LYRM1: variants seen among roughly 807,000 people sequenced by gnomAD.
The protein encoded by LYRM1 is LYR motif containing 1, also known as LYR motif-containing protein 1.
Under a neutral mutation model 14.9 loss-of-function variants are expected in LYRM1, and 14 were observed. That is an observed-to-expected ratio of 0.94 (90% CI 0.62 to 1.47). The LOEUF (loss-of-function observed/expected upper bound fraction) is 1.47. Among genes scored for constraint, LYRM1 ranks in the 40% most tolerant of loss-of-function variants. LYRM1 has a pLI of 0.00. For missense variants in LYRM1, 153 were observed against 149.9 expected (o/e 1.02, Z -0.11); for synonymous variants, 43 against 56.2 (o/e 0.77, Z 1.05).
At position 20,915,538 on chromosome 16, in the gene LYRM1, A is replaced by G. The variant is rs201893835; in HGVS notation, c.1-18A>G. ...TTTTTATGCAAATTTTCCCTCTTCTATTTTGGTGGGTCTGAAGATGACAAC... is the reference window on the plus strand; with the variant it reads ...TTTTTATGCAAATTTTCCCTCTTCTGTTTTGGTGGGTCTGAAGATGACAAC... On this transcript the variant is annotated intron_variant, in intron 1 of 3. Coordinates refer to ENST00000567954, the MANE Select transcript of LYRM1 (RefSeq NM_001128302.3). 2.8e-4 allele frequency: 443 copies of G among 1,606,594 alleles called. 3 individuals carry two copies. The African/African-American group carries it at 5.4e-3, about 20-fold the overall frequency.
intron 1 of LYRM1, among the ~76,000 whole-genome samples, chr16:20,914,416 G>C (rs917922739): frequency 6.7e-6 from 1 of 149,740 alleles, no homozygotes; most frequent in Non-Finnish European, 1.5e-5. Flanking sequence ...AGCCTCCCAA[G>C]TAGCTGGGAC....
At chr16:20,911,535 C>T (rs1359799823) in intron 1 of LYRM1, among the ~76,000 whole-genome samples, 2 of 152,322 alleles carry the variant, frequency 1.3e-5, no homozygotes, top group East Asian at 3.9e-4. Context: ...ACCCAGAACT[C>T]AGAATGAGGT....
intron 1 of LYRM1, among the ~76,000 whole-genome samples, chr16:20,908,101 T>A (rs903832137): frequency 6.6e-6 from 1 of 152,158 alleles, no homozygotes; most frequent in African/African-American, 2.4e-5. Flanking sequence ...TGGTGGCTTT[T>A]ATGTTGGCTC....
At chr16:20,917,071 A>G (rs1406151495) in intron 2 of LYRM1, among the ~76,000 whole-genome samples, 1 of 149,732 alleles carries the variant, frequency 6.7e-6, no homozygotes, top group Non-Finnish European at 1.5e-5. Context: ...AAAAAAAAAA[A>G]GCGTTACTAC....
intron 1 of LYRM1, among the ~76,000 whole-genome samples, chr16:20,903,785 TGGATCAAG>T (rs1357029714): frequency 1.3e-5 from 2 of 151,362 alleles, no homozygotes; most frequent in East Asian, 3.9e-4. Context: ...ATCAGAGAGT[TGGATCAAG>T]GGTCAGGTGC....
chr16:20,913,158 A>G (rs891489943), intron 1 of LYRM1, among the ~76,000 whole-genome samples: 11 of 151,398 alleles, frequency 7.3e-5, no homozygotes, highest in African/African-American at 2.4e-4. Context: ...AAAGATATGC[A>G]CAATAAACAA....
rs117262939 is a variant in LYRM1 at position 20,909,174 on chromosome 16, T to C, written c.1-6382T>C. ...ACTGGCAGCAACATCTGTCAGCCTT[T>C]TCTTAGTGGCACAGGCCTGCACATC... On this transcript the variant is annotated intron_variant, in intron 1 of 3. Coordinates refer to ENST00000567954, the MANE Select transcript of LYRM1 (RefSeq NM_001128302.3). Among the ~76,000 whole-genome samples, 698 of 152,308 alleles carry C rather than the reference T, an allele frequency of 4.6e-3. 3 individuals are homozygous for C. Among genetic ancestry groups the C allele is most frequent in the Non-Finnish European group, 7.2e-3 (488 of 68,024 alleles).
At chr16:20,922,559 G>T (rs553214248) in intron 3 of LYRM1, among the ~76,000 whole-genome samples, 102 of 151,932 alleles carry the variant, frequency 6.7e-4, no homozygotes, top group African/African-American at 2.4e-3. Flanking sequence ...GCACGATCTC[G>T]GCTCACTGCA....
Position 20,924,144 on chromosome 16 carries a change from G to A in LYRM1, c.*28G>A. 1 of 1,279,758 alleles carries A rather than the reference G, an allele frequency of 7.8e-7. No individual in the cohort carries two copies. Among genetic ancestry groups the A allele is most frequent in the Non-Finnish European group, 1.1e-6 (1 of 887,970 alleles). 79.3% of individuals were successfully genotyped at this position (1,279,758 alleles called of 1,614,324 possible). A position where few individuals can be genotyped will look rare whatever the true frequency, so the allele number is the denominator to read the frequency against. The stretch of plus-strand genomic sequence containing the variant: ...TAGAGGAAAGTTTATTTCTGCAAAT[G>A]ATGAGCCAACTAGTTATTGAATGTA... On this transcript the variant is annotated 3_prime_UTR_variant, in exon 4 of 4. Coordinates refer to ENST00000567954, the MANE Select transcript of LYRM1 (RefSeq NM_001128302.3).
intron 1 of LYRM1, among the ~76,000 whole-genome samples, chr16:20,906,916 T>G (rs1806299177): frequency 6.6e-6 from 1 of 152,298 alleles, no homozygotes; most frequent in South Asian, 2.1e-4. Context: ...CACTGCACTT[T>G]GGACAGTGAG....
In LYRM1 at chr16:20,907,524, C is replaced by T. The variant is rs542668502; in HGVS notation, c.-1+6635C>T. Reference sequence around the variant, plus strand: ...TATAGGCATGAGCCACCATGCCTGGCTAATGTTTTTATTTTTCAATGGAGA... The same window carrying T: ...TATAGGCATGAGCCACCATGCCTGGTTAATGTTTTTATTTTTCAATGGAGA... On this transcript the variant is annotated intron_variant, in intron 1 of 3. Transcript: ENST00000567954. Among the ~76,000 whole-genome samples the T allele has an allele frequency of 3.1e-3, 468 of 152,176 alleles. 16 individuals are homozygous for T. Among genetic ancestry groups the T allele is most frequent in the Middle Eastern group, 0.01 (3 of 294 alleles).
At chr16:20,917,452 TATTTC>T (rs1172074905) in intron 2 of LYRM1, among the ~76,000 whole-genome samples, 1 of 151,898 alleles carries the variant, frequency 6.6e-6, no homozygotes, top group African/African-American at 2.4e-5. Flanking sequence ...GGCTCAGAAA[TATTTC>T]AATGAAAAGA....
At chr16:20,900,442 C>T (rs969155351), upstream of LYRM1, 2 of 152,128 alleles carry the variant, frequency 1.3e-5, no homozygotes, top group Non-Finnish European at 2.9e-5. Flanking sequence ...CCGCCGGCCG[C>T]CAGCTCCAGG....
At chr16:20,903,496 G>GTT (rs1034378527) in intron 1 of LYRM1, among the ~76,000 whole-genome samples, 63 of 152,356 alleles carry the variant, frequency 4.1e-4, no homozygotes, top group African/African-American at 1.3e-3. Context: ...AACACAGTAT[G>GTT]TTTCAAGTGC....
chr16:20,915,794 C>G, intron 2 of LYRM1, 80 bp downstream of exon 2: 2 of 1,463,750 alleles, frequency 1.4e-6, no homozygotes, highest in Non-Finnish European at 1.9e-6. Context: ...GGTCTTTAAT[C>G]AAGAGGGCTG....
intron 2 of LYRM1, among the ~76,000 whole-genome samples, chr16:20,917,350 G>C (rs1366269516): frequency 6.6e-6 from 1 of 151,646 alleles, no homozygotes; most frequent in Non-Finnish European, 1.5e-5. Flanking sequence ...AAGTCTGTCT[G>C]GTACACAGTT....
chr16:20,914,704 C>G (rs758582911), intron 1 of LYRM1, among the ~76,000 whole-genome samples: 7 of 152,010 alleles, frequency 4.6e-5, no homozygotes, highest in Non-Finnish European at 8.8e-5. Context: ...TCTGGCATTC[C>G]TAGGCACTTC....
chr16:20,917,394 T>C (rs984723692), intron 2 of LYRM1, among the ~76,000 whole-genome samples: 6 of 151,808 alleles, frequency 4.0e-5, no homozygotes, highest in African/African-American at 1.4e-4. Flanking sequence ...ATATAATTTA[T>C]AAATTAATAC....
chr16:20,913,069 AAATAATAATAAT>A (rs34662196), intron 1 of LYRM1, among the ~76,000 whole-genome samples: 7 of 145,054 alleles, frequency 4.8e-5, no homozygotes, highest in East Asian at 2.0e-4. Flanking sequence ...TCTGTCTCAA[AAATAATAATAAT>A]AATAATAATA....
Sources: allele counts gnomAD v4.1 joint callset (sites outside exome capture counted in the v4.1 genomes callset), GRCh38; gene constraint gnomAD v4.1.1; transcripts MANE v1.5; gene names NCBI Gene and HGNC (gene_info 2026-07-23, HGNC 2026-07-21).